SHPRH: variants seen among roughly 807,000 people sequenced by gnomAD.
SHPRH encodes E3 ubiquitin-protein ligase SHPRH.
Under a neutral mutation model 202.5 loss-of-function variants are expected in SHPRH, and 106 were observed. The observed-to-expected ratio is 0.52, with a 90% CI of 0.45 to 0.62. SHPRH has a LOEUF of 0.62. Ranked by LOEUF, SHPRH falls within the 20% of genes least tolerant of loss-of-function variation. The pLI is 0.00. For missense variants in SHPRH, 1,710 were observed against 2,020.0 expected (o/e 0.85, Z 2.94); for synonymous variants, 729 against 686.0 (o/e 1.06, Z -0.98).
In SHPRH at chr6:145,886,673, G is replaced by C. The variant is rs1339909525; in HGVS notation, c.*18C>G. 6.2e-7 allele frequency: 1 copy of C among 1,607,962 alleles called. No individual in the cohort carries two copies. Among genetic ancestry groups the C allele is most frequent in the Admixed American group, 1.7e-5 (1 of 58,348 alleles). On this transcript the variant is annotated 3_prime_UTR_variant, in exon 30 of 30. Transcript: ENST00000275233. The stretch of plus-strand genomic sequence containing the variant: ...GTTTATTAATACACTAAAGTCCATG[G>C]AATGAATCAAGTGTAGTTCATTCAA...
At chr6:145,909,607 TA>T (rs1298138982) in intron 25 of SHPRH, 2 of 152,086 alleles carry the variant, frequency 1.3e-5, no homozygotes, top group Non-Finnish European at 2.9e-5. Context: ...ACACATTACT[TA>T]AAAGTGAGGA....
rs1471672985 is a variant in SHPRH, at chr6:145,946,337, T to C, written c.1217A>G (p.Lys406Arg). The C allele has an allele frequency of 6.2e-7, 1 of 1,602,446 alleles. No homozygotes were observed. Among genetic ancestry groups the C allele is most frequent in the Non-Finnish European group, 8.5e-7 (1 of 1,173,758 alleles). Residue 406 changes from lysine (K) to arginine (R), a missense_variant, in exon 7 of 30, where the codon AAA (lysine) becomes AGA (arginine). This residue lies in a region of SHPRH where 348 missense variants were observed against 356.9 expected (regional missense o/e 0.97). Transcript: ENST00000275233. The stretch of plus-strand genomic sequence containing the variant: ...TGACGGAATAAAATAATTCACCACT[T>C]TTCCCTGATACAAACAACAGTCAGT... ...KQDALTLPEG[K>R]VVNYFIPSHY... is the part of the protein sequence containing the mutation.
chr6:145,899,294 A>G (rs1040179383), intron 25 of SHPRH, among the ~76,000 whole-genome samples: 7 of 152,154 alleles, frequency 4.6e-5, no homozygotes, highest in African/African-American at 9.7e-5. Flanking sequence ...TCTAAAACAC[A>G]TTTTAAAACT....
At chr6:145,951,682 C>T (rs1163865273) in intron 3 of SHPRH, 5 of 401,510 alleles carry the variant, frequency 1.2e-5, no homozygotes, top group African/African-American at 6.2e-5. Context: ...TATTATAAAG[C>T]ATTGCAAAGA....
intron 11 of SHPRH, 126 bp downstream of exon 11, chr6:145,940,597 C>T: frequency 1.2e-6 from 1 of 859,272 alleles, no homozygotes; most frequent in African/African-American, 1.7e-5. Flanking sequence ...TATTAGGAGT[C>T]AACTATAAAG....
intron 25 of SHPRH, among the ~76,000 whole-genome samples, chr6:145,897,682 C>T (rs2128720423): frequency 6.6e-6 from 1 of 152,082 alleles, no homozygotes; most frequent in East Asian, 1.9e-4. Context: ...GATCACTCAC[C>T]ATGATCAACA....
Position 145,894,131 on chromosome 6 carries a change from G to T in SHPRH, c.4695+19C>A. 1 of 1,573,626 alleles carries T rather than the reference G, an allele frequency of 6.4e-7. No individual in the cohort carries two copies. The highest frequency in any genetic ancestry group is 8.6e-7 in the Non-Finnish European group (1 of 1,163,026). ...GCAACTGTATCCACTACAAAAACCG[G>T]AGTAAAATCTTAACATACCTGAAAT... On this transcript the variant is annotated intron_variant, in intron 27 of 29. Coordinates refer to ENST00000275233, the MANE Select transcript of SHPRH (RefSeq NM_001042683.3).
downstream of SHPRH, among the ~76,000 whole-genome samples, chr6:145,863,520 C>T (rs971094119): frequency 6.6e-6 from 1 of 152,056 alleles, no homozygotes; most frequent in African/African-American, 2.4e-5. Flanking sequence ...TTTGCAATAG[C>T]CCATGTTATT....
chr6:145,915,129 A>G (rs1783835541), intron 23 of SHPRH, among the ~76,000 whole-genome samples: 1 of 144,802 alleles, frequency 6.9e-6, no homozygotes, highest in East Asian at 1.9e-4. Flanking sequence ...AAATATAATT[A>G]TAAATATATT....
intron 16 of SHPRH, among the ~76,000 whole-genome samples, chr6:145,925,075 A>G (rs73582112): frequency 0.033 from 4,960 of 151,844 alleles, 273 homozygotes; most frequent in African/African-American, 0.11. Context: ...AACACCGAAT[A>G]TTTGTTTGCC....
downstream of SHPRH, among the ~76,000 whole-genome samples, chr6:145,859,410 G>C (rs1302393405): frequency 1.3e-5 from 2 of 151,778 alleles, no homozygotes; most frequent in African/African-American, 2.4e-5. Flanking sequence ...AGATTTTATA[G>C]TTCAATTGCA....
At chr6:145,875,319 T>C (rs1780250133) in intron 2 of SHPRH, among the ~76,000 whole-genome samples, 1 of 152,194 alleles carries the variant, frequency 6.6e-6, no homozygotes, top group Non-Finnish European at 1.5e-5. Flanking sequence ...GGGATGCTGC[T>C]CAATCTTATA....
chr6:145,903,705 C>T (rs140223033), intron 25 of SHPRH: 2 of 152,110 alleles, frequency 1.3e-5, no homozygotes, highest in Admixed American at 6.6e-5. Flanking sequence ...TATTTTCTCC[C>T]GGACAGAAAT....
intron 13 of SHPRH, 36 bp downstream of exon 13, chr6:145,934,871 T>C (rs779649384): frequency 1.9e-6 from 3 of 1,570,198 alleles, no homozygotes; most frequent in Admixed American, 3.6e-5. Context: ...TATTATGATA[T>C]ACCAACTGCA....
Position 145,885,925 on chromosome 6 carries a change from C to A in SHPRH, c.*766G>T, listed in dbSNP as rs2128705341. 6.6e-6 allele frequency: 1 copy of A among 151,316 alleles called. No homozygotes were observed. The highest frequency in any genetic ancestry group is 1.5e-5 in the Non-Finnish European group (1 of 67,808). 9.4% of individuals were successfully genotyped at this position (151,316 alleles called of 1,614,324 possible). On this transcript the variant is annotated 3_prime_UTR_variant, in exon 30 of 30. Coordinates refer to ENST00000275233, the MANE Select transcript of SHPRH (RefSeq NM_001042683.3). Reference sequence around the variant, plus strand: ...AAAACTGCAATATTTACAGATACATCAATCTTACAACATATAAAAACTTTA... The same window carrying A: ...AAAACTGCAATATTTACAGATACATAAATCTTACAACATATAAAAACTTTA...
chr6:145,903,133 T>C (rs1399670201), intron 25 of SHPRH: 2 of 151,904 alleles, frequency 1.3e-5, no homozygotes, highest in Non-Finnish European at 2.9e-5. Context: ...TTAATGTTCA[T>C]GTTATATAAA....
rs1235749046 is a variant in SHPRH at position 145,886,047 on chromosome 6, C to T, written c.*644G>A. ...TTGGAGTTAACTGTTTACACTAACACCACTTTACACATAATAGAAATATGA... is the reference window on the plus strand; with the variant it reads ...TTGGAGTTAACTGTTTACACTAACATCACTTTACACATAATAGAAATATGA... On this transcript the variant is annotated 3_prime_UTR_variant, in exon 30 of 30. Coordinates refer to ENST00000275233, the MANE Select transcript of SHPRH (RefSeq NM_001042683.3). 2 of 156,840 alleles carry T rather than the reference C, an allele frequency of 1.3e-5. No individual in the cohort carries two copies. Among genetic ancestry groups the T allele is most frequent in the Admixed American group, 1.3e-4 (2 of 15,738 alleles). 9.7% of individuals were successfully genotyped at this position (156,840 alleles called of 1,614,324 possible). A position where few individuals can be genotyped will look rare whatever the true frequency, so the allele number is the denominator to read the frequency against.
intron 2 of SHPRH, among the ~76,000 whole-genome samples, chr6:145,874,974 T>C (rs548944496): frequency 6.6e-6 from 1 of 152,338 alleles, no homozygotes; most frequent in Non-Finnish European, 1.5e-5. Flanking sequence ...TATTGCAGAT[T>C]AGCATCCCAA....
intron 3 of SHPRH, chr6:145,952,016 G>T (rs982595766): frequency 2.5e-6 from 1 of 396,502 alleles, no homozygotes; most frequent in Non-Finnish European, 5.0e-6. Flanking sequence ...TGGAATAAAC[G>T]CCAGCCAAGA....
Sources: allele counts gnomAD v4.1 joint callset (sites outside exome capture counted in the v4.1 genomes callset), GRCh38; gene constraint gnomAD v4.1.1; regional missense constraint gnomAD v4.1.1; transcripts MANE v1.5; gene names NCBI Gene and HGNC (gene_info 2026-07-23, HGNC 2026-07-21).